The following TENM3 variants were observed in gnomAD, a reference collection of about 807,000 sequenced individuals.
TENM3 encodes teneurin transmembrane protein 3, also known as teneurin-3.
Under a neutral mutation model 255.1 loss-of-function variants are expected in TENM3, and 63 were observed. The observed-to-expected ratio is 0.25, with a 90% CI of 0.20 to 0.30. TENM3 has a LOEUF of 0.30. Among genes scored for constraint, TENM3 ranks in the 10% least tolerant of loss-of-function variants. TENM3 has a pLI of 1.00. For synonymous variants in TENM3, 1,306 were observed against 1,322.3 expected (o/e 0.99, Z 0.27); for missense variants, 2,929 against 3,461.1 (o/e 0.85, Z 3.86).
At chr4:181,806,137 G>A in the TENM3 span, among the ~76,000 whole-genome samples, 1 of 152,124 alleles carries the variant, frequency 6.6e-6, no homozygotes, top group South Asian at 2.1e-4. Context: ...GATAAAATAC[G>A]TGGTCCGTAG....
intron 1 of TENM3, among the ~76,000 whole-genome samples, chr4:182,312,780 G>A (rs973000737): frequency 7.9e-5 from 12 of 152,230 alleles, no homozygotes; most frequent in African/African-American, 2.9e-4. Flanking sequence ...CAAATTGAGA[G>A]GTATTATTTA....
At chr4:181,951,803 A>G in the TENM3 span, among the ~76,000 whole-genome samples, 9 of 152,374 alleles carry the variant, frequency 5.9e-5, no homozygotes, top group Admixed American at 5.9e-4. Context: ...GAGAGAGAAC[A>G]GAATATGTCT....
At chr4:182,013,074 C>A in the TENM3 span, among the ~76,000 whole-genome samples, 1 of 152,128 alleles carries the variant, frequency 6.6e-6, no homozygotes, top group Admixed American at 6.5e-5. Flanking sequence ...TATCACAATT[C>A]TCCACTTTTC....
Position 182,613,525 on chromosome 4 carries a change from A to G in TENM3, c.749+12364A>G, listed in dbSNP as rs115544717. 3.3e-3 allele frequency among the ~76,000 whole-genome samples: 497 copies of G among 152,308 alleles called. 5 individuals carry two copies. Among genetic ancestry groups the G allele is most frequent in the African/African-American group, 0.011 (471 of 41,582 alleles). On this transcript the variant is annotated intron_variant, in intron 4 of 27. Coordinates refer to ENST00000511685, the MANE Select transcript of TENM3 (RefSeq NM_001080477.4). ...CATATTGTAGTCCTATACTTTTTAC[A>G]TAGCTGTGGTTATGCTTAAATTTTA...
chr4:182,455,980 A>G (rs900644311), intron 3 of TENM3, among the ~76,000 whole-genome samples: 2 of 152,096 alleles, frequency 1.3e-5, no homozygotes, highest in Non-Finnish European at 2.9e-5. Context: ...TGTCTCCCCC[A>G]CTAGGGGGAC....
At chr4:182,555,111 A>G (rs1742453750) in intron 3 of TENM3, among the ~76,000 whole-genome samples, 1 of 152,206 alleles carries the variant, frequency 6.6e-6, no homozygotes, top group African/African-American at 2.4e-5. Flanking sequence ...CTGAAAATGT[A>G]TATTTAGGAA....
At chr4:182,471,729 A>G (rs904028362) in intron 3 of TENM3, among the ~76,000 whole-genome samples, 2 of 152,116 alleles carry the variant, frequency 1.3e-5, no homozygotes, top group Admixed American at 6.6e-5. Flanking sequence ...GTCATGAAAT[A>G]GTGTACTTAA....
chr4:181,916,278 A>G, the TENM3 span, among the ~76,000 whole-genome samples: 1 of 152,162 alleles, frequency 6.6e-6, no homozygotes, highest in Non-Finnish European at 1.5e-5. Context: ...GTCCTTTCTA[A>G]CATCGAATTA....
chr4:181,553,335 T>TACACAC, the TENM3 span, among the ~76,000 whole-genome samples: 10 of 140,904 alleles, frequency 7.1e-5, no homozygotes, highest in Non-Finnish European at 1.1e-4. Context: ...TATATATATA[T>TACACAC]ACACACACAC....
intron 1 of TENM3, among the ~76,000 whole-genome samples, chr4:182,167,560 A>G (rs1157163550): frequency 6.6e-6 from 1 of 152,186 alleles, no homozygotes; most frequent in Non-Finnish European, 1.5e-5. Context: ...GTCTTAAAAA[A>G]ATTAAAAAAT....
At chr4:181,585,003 C>CAA in the TENM3 span, among the ~76,000 whole-genome samples, 17,273 of 134,700 alleles carry the variant, frequency 0.13, 1,252 homozygotes, top group Middle Eastern at 0.19. Context: ...TATCCAGTGG[C>CAA]AAAAAAAAAA....
In TENM3 at chr4:182,463,225, A is replaced by G. The variant is rs188341919; in HGVS notation, c.511+116296A>G. ...CTGAAAGTAATAGTCTTGTGAGCCT[A>G]AATTATTTATCATTTTGCAACTTAA... On this transcript the variant is annotated intron_variant, in intron 3 of 27. Coordinates refer to ENST00000511685, the MANE Select transcript of TENM3 (RefSeq NM_001080477.4). Among the ~76,000 whole-genome samples the G allele has an allele frequency of 3.6e-3, 547 of 152,280 alleles. 2 individuals carry two copies. Among genetic ancestry groups the G allele is most frequent in the Non-Finnish European group, 6.1e-3 (415 of 68,032 alleles).
At chr4:181,703,243 G>C in the TENM3 span, among the ~76,000 whole-genome samples, 6 of 152,176 alleles carry the variant, frequency 3.9e-5, no homozygotes, top group Non-Finnish European at 8.8e-5. Context: ...TCAGATGTGG[G>C]AGTCGTACAT....
chr4:181,730,408 T>C, the TENM3 span, among the ~76,000 whole-genome samples: 86 of 152,314 alleles, frequency 5.6e-4, no homozygotes, highest in African/African-American at 1.9e-3. Flanking sequence ...ATGGCTCCTA[T>C]TGTTAGGGAG....
At chr4:182,780,166 T>C (rs1765053741) in intron 24 of TENM3, among the ~76,000 whole-genome samples, 1 of 152,168 alleles carries the variant, frequency 6.6e-6, no homozygotes, top group African/African-American at 2.4e-5. Context: ...CTAGGTTTTC[T>C]TCTAGGGCTT....
chr4:182,022,359 C>T, the TENM3 span, among the ~76,000 whole-genome samples: 1 of 151,806 alleles, frequency 6.6e-6, no homozygotes, highest in African/African-American at 2.4e-5. Context: ...TACATGGACA[C>T]ACAAATGGAA....
the TENM3 span, among the ~76,000 whole-genome samples, chr4:181,706,252 A>AC: frequency 6.6e-6 from 1 of 151,778 alleles, no homozygotes; most frequent in East Asian, 1.9e-4. Context: ...ATTAAGGCCC[A>AC]CCCCCAGTGA....
chr4:182,594,545 C>T (rs1746992602), intron 3 of TENM3, among the ~76,000 whole-genome samples: 1 of 152,122 alleles, frequency 6.6e-6, no homozygotes, highest in African/African-American at 2.4e-5. Context: ...ATAAAGTGAA[C>T]ACATTTCCTC....
chr4:181,627,437 T>G, the TENM3 span, among the ~76,000 whole-genome samples: 1 of 152,166 alleles, frequency 6.6e-6, no homozygotes, highest in African/African-American at 2.4e-5. Context: ...CTGCACACAT[T>G]AACTCGTCAT....
Sources: allele counts gnomAD v4.1 joint callset (sites outside exome capture counted in the v4.1 genomes callset), GRCh38; gene constraint gnomAD v4.1.1; transcripts MANE v1.5; gene names NCBI Gene and HGNC (gene_info 2026-07-23, HGNC 2026-07-21).